Variants in PAQR5 observed in about 807,000 individuals in gnomAD.
PAQR5 encodes progestin and adipoQ receptor family member 5.
Under a neutral mutation model 34.5 loss-of-function variants are expected in PAQR5, and 20 were observed. The observed-to-expected ratio is 0.58, with a 90% CI of 0.41 to 0.84. The LOEUF is 0.84. Among genes scored for constraint, PAQR5 ranks in the 40% least tolerant of loss-of-function variants. The probability of loss-of-function intolerance (pLI) is 0.00; values close to 1 mark genes in which losing one functional copy is unlikely to be tolerated. For missense variants in PAQR5, 378 were observed against 412.7 expected (o/e 0.92, Z 0.73); for synonymous variants, 131 against 155.6 (o/e 0.84, Z 1.18).
intron 3 of PAQR5, among the ~76,000 whole-genome samples, chr15:69,377,815 G>A (rs1411088557): frequency 6.6e-6 from 1 of 152,126 alleles, no homozygotes; most frequent in Non-Finnish European, 1.5e-5. Flanking sequence ...CCATGTGACT[G>A]CTTGACTTGG....
rs1433283866 is a variant in PAQR5 at position 69,391,821 on chromosome 15, G to C, written c.512+2041G>C. 6.6e-5 allele frequency: 26 copies of C among 391,952 alleles called. 1 individual carries two copies. The highest frequency in any genetic ancestry group is 2.3e-4 in the South Asian group (12 of 53,150). 24.3% of individuals were successfully genotyped at this position (391,952 alleles called of 1,614,324 possible). On this transcript the variant is annotated intron_variant, in intron 6 of 8. Transcript: ENST00000395407. ...CCTGTAATCCCAGCATTTTGGGAGCGCCAGGTGGGTGGATCACCTGAGGTC... is the reference window on the plus strand; with the variant it reads ...CCTGTAATCCCAGCATTTTGGGAGCCCCAGGTGGGTGGATCACCTGAGGTC...
intron 1 of PAQR5, among the ~76,000 whole-genome samples, chr15:69,319,158 CATATATATATATATATATATAT>C (rs869082537): frequency 0.014 from 61 of 4,278 alleles, no homozygotes; most frequent in Non-Finnish European, 0.13. Flanking sequence ...TAAATATATA[CATATATATATATATATATATAT>C]ATATATATAT....
intron 1 of PAQR5, among the ~76,000 whole-genome samples, chr15:69,315,293 A>T (rs1272886054): frequency 6.6e-6 from 1 of 152,178 alleles, no homozygotes; most frequent in African/African-American, 2.4e-5. Context: ...TGAGGAAATG[A>T]ATTCACTTTG....
In PAQR5 at chr15:69,389,682, G is replaced by A. The variant is rs12438855; in HGVS notation, c.414G>A (p.Thr138=). Reference sequence around the variant, plus strand: ...CAGCCATTGCCTACTCTGCATACACGTTCCCGGATGCGCTCATGTGCACCA... The same window carrying A: ...CAGCCATTGCCTACTCTGCATACACATTCCCGGATGCGCTCATGTGCACCA... The part of the protein sequence containing the change: ...LGSAIAYSAY[T]FPDALMCTTF... The change falls in exon 6 of 9, where the codon ACG becomes ACA. Residue 138 remains threonine, a synonymous_variant. Coordinates refer to ENST00000395407, the MANE Select transcript of PAQR5 (RefSeq NM_017705.4). 0.018 allele frequency: 28,254 copies of A among 1,614,122 alleles called. 782 individuals carry two copies. The highest frequency in any genetic ancestry group is 0.1 in the East Asian group (4,548 of 44,872).
chr15:69,300,052 G>A lies in PAQR5; in HGVS notation c.-277+996G>A, dbSNP rs557762143. 2.0e-5 allele frequency among the ~76,000 whole-genome samples: 3 copies of A among 152,210 alleles called. No homozygotes were observed. In the East Asian group the frequency reaches 5.8e-4, roughly 29 times the overall value. On this transcript the variant is annotated intron_variant, in intron 1 of 8. Transcript: ENST00000395407. ...GGGCTTTTCTCCACCACTGAGTGGC[G>A]GGTTTCCCACCGCATCCTTCCAGAG...
intron 3 of PAQR5, among the ~76,000 whole-genome samples, chr15:69,368,603 T>C (rs554420449): frequency 6.6e-6 from 1 of 152,376 alleles, no homozygotes; most frequent in South Asian, 2.1e-4. Flanking sequence ...GTGTCTCTTA[T>C]TAGCTTTTTC....
chr15:69,364,676 T>C (rs527424618), intron 3 of PAQR5, among the ~76,000 whole-genome samples: 28 of 151,720 alleles, frequency 1.8e-4, no homozygotes, highest in Admixed American at 9.2e-4. Flanking sequence ...AGTAATCTTT[T>C]CATCTTTATC....
intron 1 of PAQR5, among the ~76,000 whole-genome samples, chr15:69,329,936 G>T (rs1161790811): frequency 2.0e-5 from 3 of 152,088 alleles, no homozygotes; most frequent in African/African-American, 7.2e-5. Flanking sequence ...AATAAAGTTT[G>T]TTCACATCTA....
At chr15:69,303,039 C>T (rs1301102072) in intron 1 of PAQR5, among the ~76,000 whole-genome samples, 1 of 152,200 alleles carries the variant, frequency 6.6e-6, no homozygotes, top group Non-Finnish European at 1.5e-5. Context: ...AGAATAGCAG[C>T]TCTGTGAGGG....
chr15:69,347,901 T>C (rs1214751303), intron 2 of PAQR5, among the ~76,000 whole-genome samples: 1 of 152,214 alleles, frequency 6.6e-6, no homozygotes, highest in Non-Finnish European at 1.5e-5. Flanking sequence ...CATTGGGAAT[T>C]AAGCTTCAAC....
chr15:69,357,712 G>A (rs1171264305), intron 2 of PAQR5, among the ~76,000 whole-genome samples: 5 of 152,116 alleles, frequency 3.3e-5, no homozygotes, highest in South Asian at 2.1e-4. Context: ...GCATATTTAC[G>A]ACGGTGAAAT....
intron 1 of PAQR5, among the ~76,000 whole-genome samples, chr15:69,315,465 A>T (rs535749310): frequency 6.6e-6 from 1 of 152,258 alleles, no homozygotes; most frequent in South Asian, 2.1e-4. Context: ...TGGGTCTCGA[A>T]TGGGGAAATC....
chr15:69,353,115 A>T (rs1401643299), intron 2 of PAQR5, among the ~76,000 whole-genome samples: 1 of 152,048 alleles, frequency 6.6e-6, no homozygotes, highest in Non-Finnish European at 1.5e-5. Flanking sequence ...ATTGACTTCC[A>T]CTCACTGAGG....
At chr15:69,358,668 G>A (rs913072662) in intron 2 of PAQR5, among the ~76,000 whole-genome samples, 1 of 68,620 alleles carries the variant, frequency 1.5e-5, no homozygotes, top group African/African-American at 5.2e-5. Flanking sequence ...TTCTTGCTGT[G>A]TTGCTCTGGC....
intron 2 of PAQR5, among the ~76,000 whole-genome samples, chr15:69,340,099 C>T (rs2054606256): frequency 6.6e-6 from 1 of 152,100 alleles, no homozygotes; most frequent in Non-Finnish European, 1.5e-5. Context: ...CTTCCGACCT[C>T]AGGTGATCTG....
chr15:69,339,903 G>C (rs1454116337), intron 2 of PAQR5, among the ~76,000 whole-genome samples: 1 of 152,056 alleles, frequency 6.6e-6, no homozygotes, highest in African/African-American at 2.4e-5. Flanking sequence ...TTTTGCTCTT[G>C]TTGCCCAGGC....
At position 69,348,604 on chromosome 15, in the gene PAQR5, T is replaced by G. The variant is rs113027948; in HGVS notation, c.-116+11103T>G. On this transcript the variant is annotated intron_variant, in intron 2 of 8. Coordinates refer to ENST00000395407, the MANE Select transcript of PAQR5 (RefSeq NM_017705.4). ...GGGTACTGTGAGGGTTAATTTTAGG[T>G]GTCAACTTGGCAGGGGACATGTTCC... Among the ~76,000 whole-genome samples, 610 of 152,234 alleles carry G rather than the reference T, an allele frequency of 4.0e-3. 3 individuals carry two copies. Among genetic ancestry groups the G allele is most frequent in the African/African-American group, 0.014 (583 of 41,544 alleles).
At chr15:69,322,254 G>A (rs1566997357) in intron 1 of PAQR5, among the ~76,000 whole-genome samples, 1 of 149,820 alleles carries the variant, frequency 6.7e-6, no homozygotes, top group Non-Finnish European at 1.5e-5. Flanking sequence ...GAGACAGGCA[G>A]ATCACCTGAG....
chr15:69,361,071 A>C (rs1458641811), intron 3 of PAQR5, among the ~76,000 whole-genome samples: 1 of 152,164 alleles, frequency 6.6e-6, no homozygotes, highest in Non-Finnish European at 1.5e-5. Flanking sequence ...GAGCTGAGGA[A>C]TGTGGCAAGT....
Sources: gnomAD v4.1 joint callset for allele counts (sites outside exome capture counted in the v4.1 genomes callset) on GRCh38, gnomAD v4.1.1 for gene constraint, MANE v1.5 for transcripts, NCBI Gene and HGNC (gene_info 2026-07-23, HGNC 2026-07-21) for gene names.